Variants in TPCN2 observed in about 807,000 individuals in gnomAD.
TPCN2 encodes the protein two pore channel protein 2.
TPCN2 carries 92 observed loss-of-function variants against 111.4 expected under a neutral mutation model. The ratio of observed to expected loss-of-function variants is 0.83; its 90% CI spans 0.70 to 0.98. The LOEUF (loss-of-function observed/expected upper bound fraction) is 0.98. Ranked by LOEUF, TPCN2 falls within the 50% of genes least tolerant of loss-of-function variation. The pLI, the probability that TPCN2 is intolerant of heterozygous loss-of-function variation, is 0.00. For missense variants in TPCN2, 995 were observed against 980.1 expected (o/e 1.02, Z -0.20); for synonymous variants, 405 against 414.5 (o/e 0.98, Z 0.28).
Position 69,067,590 on chromosome 11 carries a change from GC to G in TPCN2, c.816del (p.Asn273ThrfsTer5). 6.2e-7 allele frequency: 1 copy of G among 1,613,806 alleles called. No homozygotes were observed. The highest frequency in any genetic ancestry group is 8.5e-7 in the Non-Finnish European group (1 of 1,179,998). ...LTSLLVLLTT[A>X]NNPDVMIPAY... ...TTCCCTCCTGGTGCTGCTGACCACG[GC>G]CAACAACCCCGATGGTGCGTGCAGG... On this transcript the variant is annotated frameshift_variant, in exon 8 of 25. Coordinates refer to ENST00000294309, the MANE Select transcript of TPCN2 (RefSeq NM_139075.4). LOFTEE classifies it high-confidence loss of function.
chr11:69,075,364 C>T (rs1855708178), intron 13 of TPCN2, among the ~76,000 whole-genome samples: 1 of 152,202 alleles, frequency 6.6e-6, no homozygotes, highest in Non-Finnish European at 1.5e-5. Flanking sequence ...TGCATGTAAC[C>T]TACACACATC....
intron 18 of TPCN2, among the ~76,000 whole-genome samples, chr11:69,082,040 A>G (rs994433327): frequency 2.0e-5 from 3 of 152,074 alleles, no homozygotes; most frequent in Non-Finnish European, 4.4e-5. Context: ...TCCTGGCATC[A>G]TGTCCTAAGA....
chr11:69,055,087 G>A (rs1212451526), intron 3 of TPCN2, 88 bp from the exon 4 acceptor site: 6 of 1,419,760 alleles, frequency 4.2e-6, no homozygotes, highest in East Asian at 2.3e-5. Flanking sequence ...GCCAACTCCC[G>A]TGCTTCGGAC....
chr11:69,072,218 G>A (rs1855565472), intron 11 of TPCN2, among the ~76,000 whole-genome samples, 195 bp downstream of exon 11: 2 of 136,894 alleles, frequency 1.5e-5, no homozygotes, highest in South Asian at 4.4e-4. Flanking sequence ...CCATGCCTTT[G>A]TCTTCGTGCC....
rs946318362 is a variant in TPCN2 at position 69,089,695 on chromosome 11, G to A, written c.*1742G>A. 9 of 152,310 alleles carry A rather than the reference G, an allele frequency of 5.9e-5. No individual in the cohort carries two copies. Among genetic ancestry groups the A allele is most frequent in the African/African-American group, 2.2e-4 (9 of 41,468 alleles). The allele number at this position is 152,310 out of a possible 1,614,324, so 9.4% of individuals were successfully genotyped here. A position where few individuals can be genotyped will look rare whatever the true frequency, so the allele number is the denominator to read the frequency against. ...CCCTGGTCAGCTTCTCCACTGCCCA[G>A]TGAACGACCCCTTTGTAATGAATGA... On this transcript the variant is annotated 3_prime_UTR_variant, in exon 25 of 25. Coordinates refer to ENST00000294309, the MANE Select transcript of TPCN2 (RefSeq NM_139075.4).
chr11:69,077,441 G>A (rs1855842610), intron 13 of TPCN2, among the ~76,000 whole-genome samples: 1 of 152,176 alleles, frequency 6.6e-6, no homozygotes, highest in Non-Finnish European at 1.5e-5. Flanking sequence ...CGTTCACTGT[G>A]GATGAGACGC....
chr11:69,057,506 G>T, intron 4 of TPCN2, 72 bp from the exon 5 acceptor site: 3 of 1,408,438 alleles, frequency 2.1e-6, no homozygotes, highest in South Asian at 2.3e-5. Flanking sequence ...CCTGCGCTGC[G>T]CACCGTCATT....
At chr11:69,086,975 C>T (rs1257439547) in intron 23 of TPCN2, 137 bp from the exon 24 acceptor site, 2 of 693,716 alleles carry the variant, frequency 2.9e-6, no homozygotes, top group Middle Eastern at 4.1e-4. Context: ...CTCGTGGGGC[C>T]TGTGCCTGGG....
At position 69,063,881 on chromosome 11, in the gene TPCN2, G is replaced by C. The variant is rs746504664; in HGVS notation, c.654-14G>C. ...CGCCGCCTGGCCCAGGCTGAGTGCC[G>C]TGCTCTCCCCCAGCGTCGGGCTGCT... On this transcript the variant is annotated splice_polypyrimidine_tract_variant and intron_variant, in intron 6 of 24. Transcript: ENST00000294309. The C allele has an allele frequency of 1.3e-5, 21 of 1,613,276 alleles. No individual in the cohort carries two copies. Among genetic ancestry groups the C allele is most frequent in the Non-Finnish European group, 1.7e-5 (20 of 1,179,772 alleles).
chr11:69,081,143 C>T (rs1195549006), intron 17 of TPCN2, among the ~76,000 whole-genome samples: 3 of 151,780 alleles, frequency 2.0e-5, no homozygotes, highest in African/African-American at 2.4e-5. Context: ...AGCCTTCCCG[C>T]AAGGGCTGGC....
chr11:69,049,647 C>G (rs7128255), intron 1 of TPCN2, among the ~76,000 whole-genome samples: 12,707 of 152,068 alleles, frequency 0.084, 1,827 homozygotes, highest in African/African-American at 0.29. Flanking sequence ...TTGTAGGGTG[C>G]CTTTCCCCGT....
Position 69,067,205 on chromosome 11 carries a change from C to T in TPCN2, c.727-298C>T, listed in dbSNP as rs139444406. On this transcript the variant is annotated intron_variant, in intron 7 of 24. Transcript: ENST00000294309. The stretch of plus-strand genomic sequence containing the variant: ...CATGGCAGAGTCGGCTGCGAGCAGG[C>T]GAGGTGGCCTGAGGGAGGTCACTAG... Among the ~76,000 whole-genome samples, 134 of 152,340 alleles carry T rather than the reference C, an allele frequency of 8.8e-4. 1 individual carries two copies. In the East Asian group the frequency reaches 0.02, roughly 22 times the overall value.
intron 3 of TPCN2, 111 bp downstream of exon 3, chr11:69,054,908 A>G: frequency 9.0e-7 from 1 of 1,113,542 alleles, no homozygotes; most frequent in Non-Finnish European, 1.3e-6. Context: ...GCTCCCCACT[A>G]CATAGATAGG....
chr11:69,063,014 C>T (rs745624586), intron 6 of TPCN2, 24 bp downstream of exon 6: 33 of 1,607,742 alleles, frequency 2.1e-5, no homozygotes, highest in South Asian at 9.9e-5. Flanking sequence ...GCTCTGGGCT[C>T]GCAGGGTTGG....
At chr11:69,083,755 G>A (rs997158605) in intron 18 of TPCN2, among the ~76,000 whole-genome samples, 190 bp from the exon 19 acceptor site, 2 of 152,132 alleles carry the variant, frequency 1.3e-5, no homozygotes, top group Admixed American at 6.5e-5. Context: ...GTGGACGTGG[G>A]GGCCTGACAG....
At chr11:69,051,190 T>C (rs1861210320) in intron 1 of TPCN2, among the ~76,000 whole-genome samples, 1 of 152,260 alleles carries the variant, frequency 6.6e-6, no homozygotes, top group South Asian at 2.1e-4. Context: ...CAGTGGACCC[T>C]GCTGTTGGGT....
intron 18 of TPCN2, among the ~76,000 whole-genome samples, chr11:69,082,397 A>G (rs1565094583): frequency 6.6e-6 from 1 of 152,298 alleles, no homozygotes; most frequent in African/African-American, 2.4e-5. Context: ...GATACAATAC[A>G]CATCATCATG....
chr11:69,063,030 G>A (rs1363282619), intron 6 of TPCN2, 40 bp downstream of exon 6: 2 of 1,580,094 alleles, frequency 1.3e-6, no homozygotes, highest in Non-Finnish European at 1.7e-6. Flanking sequence ...GTTGGGAAGG[G>A]GCTCTCTCTG....
chr11:69,072,052 CCT>C, intron 11 of TPCN2, 29 bp downstream of exon 11: 1 of 1,564,582 alleles, frequency 6.4e-7, no homozygotes, highest in Non-Finnish European at 8.8e-7. Context: ...CCCTCTTCTC[CCT>C]GAGGGTGGGT....
Sources: gnomAD v4.1 joint callset for allele counts (sites outside exome capture counted in the v4.1 genomes callset) on GRCh38, gnomAD v4.1.1 for gene constraint, MANE v1.5 for transcripts, NCBI Gene and HGNC (gene_info 2026-07-23, HGNC 2026-07-21) for gene names.